The following PPP1R2 variants were observed in gnomAD, a reference collection of about 807,000 sequenced individuals.
PPP1R2 encodes protein phosphatase inhibitor 2.
Under a neutral mutation model 29.9 loss-of-function variants are expected in PPP1R2, and 16 were observed. The ratio of observed to expected loss-of-function variants is 0.53; its 90% confidence interval spans 0.36 to 0.81. The LOEUF is 0.81. PPP1R2 is among the 30% of genes least tolerant of loss of function. PPP1R2 has a pLI of 0.00. For missense variants in PPP1R2, 197 were observed against 252.7 expected (o/e 0.78, Z 1.49); for synonymous variants, 76 against 91.5 (o/e 0.83, Z 0.96).
intron 1 of PPP1R2, among the ~76,000 whole-genome samples, chr3:195,533,988 G>A (rs988725169): frequency 6.6e-6 from 1 of 152,178 alleles, no homozygotes; most frequent in African/African-American, 2.4e-5. Flanking sequence ...CCAACAGGCT[G>A]CAGACGAGTT....
At position 195,542,942 on chromosome 3, in the gene PPP1R2, C is replaced by G. The variant is rs1719653643; in HGVS notation, c.84G>C (p.Ser28=). Residue 28 remains serine (S), a synonymous_variant, in exon 1 of 6, where the codon TCG becomes TCC. Transcript: ENST00000618156. ...KTSTTSSMVA[S]AEQPRGNVDE... ...CGACATTCCCGCGGGGCTGTTCGGC[C>G]GACGCCACCATAGAGGAAGTCGTAG... The G allele has an allele frequency of 1.2e-6, 2 of 1,603,264 alleles. No individual in the cohort carries two copies. Among genetic ancestry groups the G allele is most frequent in the East Asian group, 4.5e-5 (2 of 44,360 alleles).
intron 1 of PPP1R2, among the ~76,000 whole-genome samples, chr3:195,540,664 T>C (rs1054393433): frequency 4.6e-5 from 7 of 152,078 alleles, no homozygotes; most frequent in South Asian, 2.1e-4. Context: ...AAGTGAGTGG[T>C]TCTGGTGGCT....
rs1718562987 is a variant in PPP1R2 at position 195,516,825 on chromosome 3, A to G, written c.*71T>C. Reference sequence around the variant, plus strand: ...GGTACTTAAGTCATGAATTGTGAAGAACAAGAAGCAACGTACTATAGTCAC... The same window carrying G: ...GGTACTTAAGTCATGAATTGTGAAGGACAAGAAGCAACGTACTATAGTCAC... On this transcript the variant is annotated 3_prime_UTR_variant, in exon 6 of 6. Transcript: ENST00000618156. 2 of 1,351,086 alleles carry G rather than the reference A, an allele frequency of 1.5e-6. No homozygotes were observed. Among genetic ancestry groups the G allele is most frequent in the South Asian group, 2.4e-5 (2 of 84,056 alleles). The allele number at this position is 1,351,086 out of a possible 1,614,324, so 83.7% of individuals were successfully genotyped here.
chr3:195,536,293 TA>T (rs10645669), intron 1 of PPP1R2, among the ~76,000 whole-genome samples: 15,619 of 115,130 alleles, frequency 0.14, 1,379 homozygotes, highest in Admixed American at 0.32. Flanking sequence ...ACCCTGTCTT[TA>T]AAAAAAAAAA....
chr3:195,539,651 C>T (rs1246640057), intron 1 of PPP1R2, among the ~76,000 whole-genome samples: 3 of 152,124 alleles, frequency 2.0e-5, no homozygotes, highest in Non-Finnish European at 4.4e-5. Flanking sequence ...CACCGTACTC[C>T]AGCCCAGGTG....
In PPP1R2 at chr3:195,515,266, T is replaced by C. The variant is rs144018425; in HGVS notation, c.*1630A>G. The C allele has an allele frequency of 3.9e-5, 6 of 153,950 alleles. No homozygotes were observed. The highest frequency in any genetic ancestry group is 1.2e-4 in the African/African-American group (5 of 41,572). The allele number at this position is 153,950 out of a possible 1,614,324, so 9.5% of individuals were successfully genotyped here. Reference sequence around the variant, plus strand: ...ACAGTTCAGCAGTACTTTGATTATATATCTCATTCAAAAAATCAAAATAAT... The same window carrying C: ...ACAGTTCAGCAGTACTTTGATTATACATCTCATTCAAAAAATCAAAATAAT... On this transcript the variant is annotated 3_prime_UTR_variant, in exon 6 of 6. Transcript: ENST00000618156.
At chr3:195,527,732 G>A (rs545248001) in intron 2 of PPP1R2, 11 of 170,564 alleles carry the variant, frequency 6.4e-5, no homozygotes, top group East Asian at 1.7e-4. Flanking sequence ...AGTTGGGCAC[G>A]GTGATGTGTG....
intron 1 of PPP1R2, among the ~76,000 whole-genome samples, chr3:195,540,716 T>A (rs555790528): frequency 6.6e-6 from 1 of 152,238 alleles, no homozygotes; most frequent in East Asian, 1.9e-4. Flanking sequence ...CACGCTCAGC[T>A]TCCTTGCCAT....
intron 5 of PPP1R2, among the ~76,000 whole-genome samples, 181 bp from the exon 6 acceptor site, chr3:195,517,123 AAAGAACAG>A (rs750692738): frequency 5.9e-5 from 9 of 152,296 alleles, no homozygotes; most frequent in Non-Finnish European, 8.8e-5. Flanking sequence ...TAAATAGTCT[AAAGAACAG>A]AAGTGTCTAC....
intron 5 of PPP1R2, among the ~76,000 whole-genome samples, 166 bp from the exon 6 acceptor site, chr3:195,517,108 T>TCC (rs1460775059): frequency 3.9e-5 from 6 of 152,068 alleles, no homozygotes; most frequent in Admixed American, 1.3e-4. Context: ...ATCTATACAC[T>TCC]CCCCTAAATA....
chr3:195,523,447 C>T lies in PPP1R2; in HGVS notation c.403+245G>A, dbSNP rs950965984. On this transcript the variant is annotated intron_variant, in intron 4 of 5. Transcript: ENST00000618156. ...AGTATCTACTCTGCACTAAAAAGTA[C>T]AAAGAAAATAATACTTATAATTACT... is the stretch of plus-strand genomic sequence containing the variant. Among the ~76,000 whole-genome samples the T allele has an allele frequency of 5.9e-5, 9 of 152,134 alleles. 1 individual carries two copies. The highest frequency in any genetic ancestry group is 2.2e-4 in the African/African-American group (9 of 41,432).
intron 1 of PPP1R2, among the ~76,000 whole-genome samples, chr3:195,531,789 T>C (rs879447794): frequency 3.3e-5 from 5 of 152,166 alleles, no homozygotes; most frequent in Non-Finnish European, 7.3e-5. Flanking sequence ...TGTGCAAGCA[T>C]CACCACCATT....
chr3:195,528,702 A>ATTTTTTTTTTTTTTT (rs1186534650), intron 2 of PPP1R2: 1 of 59,972 alleles, frequency 1.7e-5, no homozygotes. Context: ...GGGCATAACT[A>ATTTTTTTTTTTTTTT]TTTTTTTTTT....
chr3:195,522,853 CACA>C (rs1441850693), intron 4 of PPP1R2, among the ~76,000 whole-genome samples: 1 of 152,184 alleles, frequency 6.6e-6, no homozygotes, highest in Non-Finnish European at 1.5e-5. Context: ...GTCCCTACGC[CACA>C]ACACTTCAAG....
At chr3:195,539,075 CT>C (rs918959539) in intron 1 of PPP1R2, among the ~76,000 whole-genome samples, 3 of 152,218 alleles carry the variant, frequency 2.0e-5, no homozygotes, top group African/African-American at 7.2e-5. Context: ...AAGAACATGT[CT>C]TAAAAGGATG....
At position 195,518,912 on chromosome 3, in the gene PPP1R2, C is replaced by T. The variant is rs144049000; in HGVS notation, c.571+106G>A. ...AAACATTTGGTATAATAAAGCGAAT[C>T]TCAGCAAAATTTTCTGTTTTTTCAC... On this transcript the variant is annotated intron_variant, in intron 5 of 5. Transcript: ENST00000618156. The T allele has an allele frequency of 4.4e-5, 67 of 1,517,490 alleles. No individual in the cohort carries two copies. In the African/African-American group the frequency reaches 8.8e-4, roughly 20 times the overall value. 94.0% of individuals were successfully genotyped at this position (1,517,490 alleles called of 1,614,324 possible).
intron 1 of PPP1R2, among the ~76,000 whole-genome samples, chr3:195,535,725 T>C (rs763585025): frequency 2.0e-5 from 3 of 151,874 alleles, no homozygotes. Context: ...TGACCAAGAG[T>C]TCTATTTGAG....
rs745823437 is a variant in PPP1R2 at position 195,523,684 on chromosome 3, T to C, written c.403+8A>G. 1.9e-6 allele frequency: 3 copies of C among 1,608,960 alleles called. No homozygotes were observed. In the African/African-American group the frequency reaches 4.0e-5, roughly 22 times the overall value. ...ACCATGATGAAAGCAGTAAAGGAAA[T>C]AAACTACCTCGTTCTTCAGGTGAGA... On this transcript the variant is annotated splice_region_variant and intron_variant, in intron 4 of 5. Coordinates refer to ENST00000618156, the MANE Select transcript of PPP1R2 (RefSeq NM_006241.8).
At chr3:195,517,091 T>C (rs1054056033) in intron 5 of PPP1R2, 149 bp from the exon 6 acceptor site, 9 of 644,036 alleles carry the variant, frequency 1.4e-5, no homozygotes, top group Non-Finnish European at 2.2e-5. Flanking sequence ...TAGACTGAAA[T>C]TGAAGAATCT....
Sources: gnomAD v4.1 joint callset for allele counts (sites outside exome capture counted in the v4.1 genomes callset) on GRCh38, gnomAD v4.1.1 for gene constraint, MANE v1.5 for transcripts, NCBI Gene and HGNC (gene_info 2026-07-23, HGNC 2026-07-21) for gene names.